The following SNX24 variants were observed in gnomAD, a reference collection of about 807,000 sequenced individuals.
SNX24 encodes sorting nexin-24.
In SNX24, 22 loss-of-function variants were observed where a neutral mutation model predicts 28.7. The observed-to-expected ratio is 0.77, with a 90% CI of 0.55 to 1.10. SNX24 has a LOEUF of 1.10. Among genes scored for constraint, SNX24 ranks in the 50% least tolerant of loss-of-function variants. The probability of loss-of-function intolerance (pLI) is 0.00; values close to 1 mark genes in which losing one functional copy is unlikely to be tolerated. For synonymous variants in SNX24, 69 were observed against 71.5 expected (o/e 0.96, Z 0.18); for missense variants, 221 against 201.1 (o/e 1.10, Z -0.60).
intron 3 of SNX24, among the ~76,000 whole-genome samples, chr5:122,988,344 G>A (rs868747983): frequency 6.6e-6 from 1 of 152,142 alleles, no homozygotes; most frequent in Non-Finnish European, 1.5e-5. Flanking sequence ...GAGGCACATC[G>A]TCCAGCTTTT....
At chr5:123,001,891 G>A (rs755102055) in intron 5 of SNX24, 49 bp from the exon 6 acceptor site, 1 of 1,519,568 alleles carries the variant, frequency 6.6e-7, no homozygotes, top group Non-Finnish European at 9.1e-7. Flanking sequence ...AGTGTTTTCT[G>A]TTTACCATCG....
At chr5:122,890,888 AC>A in intron 1 of SNX24, 1 of 864,008 alleles carries the variant, frequency 1.2e-6, no homozygotes, top group Non-Finnish European at 1.6e-6. Context: ...CCTTTTTTGT[AC>A]CTTTTCAGAA....
At chr5:122,886,450 G>A (rs1446750349) in intron 1 of SNX24, among the ~76,000 whole-genome samples, 2 of 152,022 alleles carry the variant, frequency 1.3e-5, no homozygotes, top group Admixed American at 6.6e-5. Flanking sequence ...CTCTGGAAGC[G>A]ATACATTTTT....
intron 2 of SNX24, among the ~76,000 whole-genome samples, chr5:122,938,346 C>T (rs1270590962): frequency 6.6e-6 from 1 of 152,330 alleles, no homozygotes; most frequent in African/African-American, 2.4e-5. Flanking sequence ...ATTCTCTCTT[C>T]TCTCAGTTTC....
intron 3 of SNX24, among the ~76,000 whole-genome samples, chr5:122,992,421 C>T (rs1761894029): frequency 1.3e-5 from 2 of 152,136 alleles, no homozygotes; most frequent in African/African-American, 4.8e-5. Flanking sequence ...TTCCTAACCT[C>T]TCCAGGTTAG....
chr5:122,886,751 A>C (rs1756735651), intron 1 of SNX24, among the ~76,000 whole-genome samples: 1 of 151,170 alleles, frequency 6.6e-6, no homozygotes, highest in Admixed American at 6.6e-5. Flanking sequence ...AATTGCTTGA[A>C]CCCGGGAGGC....
At chr5:122,997,561 G>A (rs375375433) in intron 3 of SNX24, among the ~76,000 whole-genome samples, 59 of 152,204 alleles carry the variant, frequency 3.9e-4, no homozygotes, top group Middle Eastern at 3.4e-3. Context: ...ATTGTAAGCC[G>A]ATCTGTCAAG....
At chr5:122,886,131 A>G (rs1302550914) in intron 1 of SNX24, among the ~76,000 whole-genome samples, 1 of 152,128 alleles carries the variant, frequency 6.6e-6, no homozygotes, top group East Asian at 1.9e-4. Flanking sequence ...GGTGAGGGGG[A>G]GTGCAAGGAG....
intron 4 of SNX24, 106 bp downstream of exon 4, chr5:123,000,112 G>A (rs45551539): frequency 0.26 from 195,000 of 763,354 alleles, 29,118 homozygotes; most frequent in Non-Finnish European, 0.32. Context: ...TGCCGGCCAC[G>A]CCCACTCTTT....
intron 1 of SNX24, among the ~76,000 whole-genome samples, chr5:122,845,944 C>T (rs1402156178): frequency 6.6e-6 from 1 of 152,122 alleles, no homozygotes; most frequent in Non-Finnish European, 1.5e-5. Flanking sequence ...GAGCTGCAGT[C>T]CTCGGACGCG....
At position 122,882,912 on chromosome 5, in the gene SNX24, TAGGGAAAA is replaced by T. The variant is rs149924787; in HGVS notation, c.60+37221_60+37228del. Among the ~76,000 whole-genome samples the T allele has an allele frequency of 1.5e-4, 23 of 152,008 alleles. No homozygotes were observed. In the East Asian group the frequency reaches 4.5e-3, roughly 29 times the overall value. On this transcript the variant is annotated intron_variant, in intron 1 of 6. Transcript: ENST00000261369. Reference sequence around the variant, plus strand: ...AAGGACATGGGGGTGGGAGCATATATAGGGAAAAATGGGAGTAGGAGAGGAATTGGAGA... The same window carrying T: ...AAGGACATGGGGGTGGGAGCATATATATGGGAGTAGGAGAGGAATTGGAGA...
At chr5:122,916,567 T>G (rs1464928953) in intron 1 of SNX24, among the ~76,000 whole-genome samples, 1 of 152,236 alleles carries the variant, frequency 6.6e-6, no homozygotes, top group African/African-American at 2.4e-5. Flanking sequence ...CCAAATACTT[T>G]AAGCTTGAAC....
chr5:122,984,529 C>CA (rs1349451848), intron 3 of SNX24, among the ~76,000 whole-genome samples: 1 of 152,160 alleles, frequency 6.6e-6, no homozygotes, highest in Non-Finnish European at 1.5e-5. Context: ...AAGAGAATGT[C>CA]AATCAGCCCT....
Position 122,910,821 on chromosome 5 carries a change from G to A in SNX24, c.61-25913G>A, listed in dbSNP as rs561824725. ...ACTCATCATTTTTTATGGCTGCTTA[G>A]TATTCCATGGTGTATATGTGCCACA... is the stretch of plus-strand genomic sequence containing the variant. On this transcript the variant is annotated intron_variant, in intron 1 of 6. Coordinates refer to ENST00000261369, the MANE Select transcript of SNX24 (RefSeq NM_014035.4). 3.7e-3 allele frequency among the ~76,000 whole-genome samples: 563 copies of A among 152,012 alleles called. 3 individuals are homozygous for A. Among genetic ancestry groups the A allele is most frequent in the African/African-American group, 0.013 (541 of 41,464 alleles).
At chr5:122,938,085 C>T (rs1759255306) in intron 2 of SNX24, among the ~76,000 whole-genome samples, 1 of 152,122 alleles carries the variant, frequency 6.6e-6, no homozygotes, top group Admixed American at 6.5e-5. Context: ...CCTAGGACTC[C>T]ATGACCCTAG....
chr5:122,932,912 A>G (rs1993877), intron 1 of SNX24, among the ~76,000 whole-genome samples: 3,679 of 151,814 alleles, frequency 0.024, 139 homozygotes, highest in African/African-American at 0.07. Flanking sequence ...AGATTGGCCA[A>G]AGTAGGACTA....
intron 2 of SNX24, among the ~76,000 whole-genome samples, chr5:122,938,779 A>G (rs1759305247): frequency 2.1e-5 from 1 of 48,566 alleles, no homozygotes. Context: ...TCTCTACTAA[A>G]AATACAAAAA....
At position 122,920,010 on chromosome 5, in the gene SNX24, G is replaced by A. The variant is rs201193201; in HGVS notation, c.61-16724G>A. Among the ~76,000 whole-genome samples, 42 of 152,322 alleles carry A rather than the reference G, an allele frequency of 2.8e-4. No homozygotes were observed. In the East Asian group the frequency reaches 7.7e-3, roughly 28 times the overall value. Reference sequence around the variant, plus strand: ...ATGAGGGCAGGTGTTTGTTTACAACGTTTAGAGGTGGGATAGTTTATGTGT... The same window carrying A: ...ATGAGGGCAGGTGTTTGTTTACAACATTTAGAGGTGGGATAGTTTATGTGT... On this transcript the variant is annotated intron_variant, in intron 1 of 6. Transcript: ENST00000261369.
In SNX24 at chr5:122,882,195, C is replaced by T. The variant is rs138650881; in HGVS notation, c.60+36502C>T. On this transcript the variant is annotated intron_variant, in intron 1 of 6. Transcript: ENST00000261369. ...CCGACTCCTTGCCTCAAGAGATTCT[C>T]CCACCCCAGCCTCCCAAAATGCTGG... 4.2e-3 allele frequency among the ~76,000 whole-genome samples: 639 copies of T among 152,234 alleles called. 1 individual carries two copies. Among genetic ancestry groups the T allele is most frequent in the Middle Eastern group, 0.01 (3 of 294 alleles).
Sources: gnomAD v4.1 joint callset for allele counts (sites outside exome capture counted in the v4.1 genomes callset) on GRCh38, gnomAD v4.1.1 for gene constraint, MANE v1.5 for transcripts, NCBI Gene and HGNC (gene_info 2026-07-23, HGNC 2026-07-21) for gene names.